The following SGCD variants were observed in gnomAD, a reference collection of about 807,000 sequenced individuals.
The protein encoded by SGCD is sarcoglycan delta.
Under a neutral mutation model 36.6 loss-of-function variants are expected in SGCD, and 18 were observed. The observed-to-expected ratio is 0.49, with a 90% CI of 0.34 to 0.73. The LOEUF (loss-of-function observed/expected upper bound fraction) is 0.73, where lower values mean the gene tolerates loss of function less well. Ranked by LOEUF, SGCD falls within the 30% of genes least tolerant of loss-of-function variation. The pLI is 0.01. For missense variants in SGCD, 387 were observed against 346.7 expected (o/e 1.12, Z -0.92); for synonymous variants, 133 against 130.6 (o/e 1.02, Z -0.12).
chr5:155,728,928 T>C, the SGCD span, among the ~76,000 whole-genome samples: 1 of 152,200 alleles, frequency 6.6e-6, no homozygotes, highest in South Asian at 2.1e-4. Flanking sequence ...ACCAAGGCGT[T>C]TCGCGGACTC....
chr5:156,321,060 C>T lies in SGCD; in HGVS notation c.-43-8474C>T, dbSNP rs575661968. Among the ~76,000 whole-genome samples, 11 of 152,254 alleles carry T rather than the reference C, an allele frequency of 7.2e-5. No homozygotes were observed. In the South Asian group the frequency reaches 1.0e-3, roughly 14 times the overall value. On this transcript the variant is annotated intron_variant, in intron 3 of 9. Transcript: ENST00000517913. ...TGGGCTTTCATAGAATAAATAAATA[C>T]GGTTTCTATCCTTTGCCTAAATATT...
intron 7 of SGCD, among the ~76,000 whole-genome samples, chr5:156,705,653 TAGTC>T (rs1420515030): frequency 2.0e-4 from 31 of 152,306 alleles, no homozygotes; most frequent in African/African-American, 7.5e-4. Flanking sequence ...CAGAGAGATA[TAGTC>T]TGTACTGATT....
chr5:156,594,367 T>G (rs908207219), intron 5 of SGCD, among the ~76,000 whole-genome samples: 2 of 152,142 alleles, frequency 1.3e-5, no homozygotes, highest in Admixed American at 6.6e-5. Context: ...ATATAAAAGA[T>G]TGAACAACTT....
intron 3 of SGCD, among the ~76,000 whole-genome samples, chr5:156,435,387 C>T (rs577287396): frequency 1.3e-5 from 2 of 152,274 alleles, no homozygotes; most frequent in Admixed American, 6.5e-5. Context: ...CTAAGGACAT[C>T]CTCAGATATT....
In SGCD at chr5:156,687,860, C is replaced by G. The variant is rs570036384; in HGVS notation, c.575+40324C>G. On this transcript the variant is annotated intron_variant, in intron 7 of 8. Transcript: ENST00000337851. The stretch of plus-strand genomic sequence containing the variant: ...GGGAGAATGGATGGTAACCATCGTT[C>G]GTTACCAGCCTAATTCCCAGGTATG... 4.6e-5 allele frequency among the ~76,000 whole-genome samples: 7 copies of G among 152,260 alleles called. No homozygotes were observed. In the East Asian group the frequency reaches 1.4e-3, roughly 29 times the overall value.
At chr5:156,609,732 CTTTG>C (rs1212107586) in intron 6 of SGCD, among the ~76,000 whole-genome samples, 2 of 152,156 alleles carry the variant, frequency 1.3e-5, no homozygotes, top group African/African-American at 4.8e-5. Context: ...TTCTTGGAGG[CTTTG>C]TTTGTTTCTT....
intron 3 of SGCD, among the ~76,000 whole-genome samples, chr5:156,283,506 G>A (rs1255731783): frequency 6.6e-6 from 1 of 152,102 alleles, no homozygotes; most frequent in Non-Finnish European, 1.5e-5. Flanking sequence ...GAGCTGATGA[G>A]CATTTTATTA....
chr5:155,859,129 A>C, the SGCD span, among the ~76,000 whole-genome samples: 1 of 151,708 alleles, frequency 6.6e-6, no homozygotes, highest in Non-Finnish European at 1.5e-5. Context: ...TGGCATGATC[A>C]TGGCTCACTG....
intron 7 of SGCD, among the ~76,000 whole-genome samples, chr5:156,733,725 T>G (rs1488259879): frequency 6.6e-6 from 1 of 152,184 alleles, no homozygotes; most frequent in Non-Finnish European, 1.5e-5. Context: ...GTTGAACCTT[T>G]TACCATTATG....
intron 7 of SGCD, among the ~76,000 whole-genome samples, chr5:156,668,085 C>A (rs1032188574): frequency 6.6e-6 from 1 of 152,012 alleles, no homozygotes; most frequent in African/African-American, 2.4e-5. Flanking sequence ...TCTATTTTTT[C>A]ATTTTGCCCA....
At chr5:156,243,639 A>G (rs191330025) in intron 3 of SGCD, among the ~76,000 whole-genome samples, 108 of 152,354 alleles carry the variant, frequency 7.1e-4, no homozygotes, top group African/African-American at 2.3e-3. Context: ...TAACACATGT[A>G]ACACTCAAAT....
chr5:156,422,643 G>T (rs558045221), intron 3 of SGCD, among the ~76,000 whole-genome samples: 1 of 152,088 alleles, frequency 6.6e-6, no homozygotes, highest in Admixed American at 6.6e-5. Flanking sequence ...TATATATAAA[G>T]CAGGGTTTCT....
intron 7 of SGCD, among the ~76,000 whole-genome samples, chr5:156,723,848 CAAGT>C (rs1364435641): frequency 1.3e-5 from 1 of 75,726 alleles, no homozygotes; most frequent in Non-Finnish European, 2.6e-5. Flanking sequence ...TGTTTTAAGC[CAAGT>C]GTGTGTGTGT....
At position 156,015,641 on chromosome 5, in the gene SGCD, G is replaced by T. The variant is rs544100400; in HGVS notation, c.-281-102237G>T. Among the ~76,000 whole-genome samples the T allele has an allele frequency of 2.0e-5, 3 of 151,554 alleles. No individual in the cohort carries two copies. In the South Asian group the frequency reaches 6.2e-4, roughly 31 times the overall value. On this transcript the variant is annotated intron_variant, in intron 1 of 9. Coordinates refer to the SGCD transcript ENST00000517913. ...TGTGTATATATATGTATATGTATAT[G>T]TATACCCTTTTATTTATATGCTTTT...
chr5:156,550,857 T>A (rs1758764613), intron 4 of SGCD, among the ~76,000 whole-genome samples: 1 of 152,216 alleles, frequency 6.6e-6, no homozygotes, highest in Non-Finnish European at 1.5e-5. Context: ...GTGAAGGGCT[T>A]AGGAATAAGC....
intron 1 of SGCD, among the ~76,000 whole-genome samples, chr5:155,959,823 G>A (rs1305857551): frequency 6.6e-6 from 1 of 152,024 alleles, no homozygotes; most frequent in Non-Finnish European, 1.5e-5. Context: ...CTGGAAAGGT[G>A]AATTTATTTG....
chr5:155,946,074 G>C (rs768198289), intron 1 of SGCD, among the ~76,000 whole-genome samples: 1 of 152,134 alleles, frequency 6.6e-6, no homozygotes, highest in Non-Finnish European at 1.5e-5. Flanking sequence ...TGTCAAGCGT[G>C]ACTCTTACAA....
At chr5:156,514,365 A>G (rs1757069092) in intron 4 of SGCD, among the ~76,000 whole-genome samples, 1 of 152,250 alleles carries the variant, frequency 6.6e-6, no homozygotes, top group Admixed American at 6.5e-5. Flanking sequence ...GGAAAGCCGT[A>G]TCATGAATTT....
At chr5:156,168,457 C>A (rs1464586322) in intron 3 of SGCD, among the ~76,000 whole-genome samples, 1 of 152,070 alleles carries the variant, frequency 6.6e-6, no homozygotes, top group Non-Finnish European at 1.5e-5. Flanking sequence ...CACCTGTAGT[C>A]CCAGCTACTC....
Sources: gnomAD v4.1 joint callset for allele counts (sites outside exome capture counted in the v4.1 genomes callset) on GRCh38, gnomAD v4.1.1 for gene constraint, MANE v1.5 for transcripts, NCBI Gene and HGNC (gene_info 2026-07-23, HGNC 2026-07-21) for gene names.